CNOT3: variants seen among roughly 807,000 people sequenced by gnomAD.
CNOT3 encodes CCR4-NOT transcription complex subunit 3.
In CNOT3, 2 loss-of-function variants were observed where a neutral mutation model predicts 89.4. The ratio of observed to expected loss-of-function variants is 0.02; its 90% CI spans 0.01 to 0.07. CNOT3 has a LOEUF of 0.07. Ranked by LOEUF, CNOT3 falls within the 10% of genes least tolerant of loss-of-function variation. CNOT3 has a pLI of 1.00. For missense variants in CNOT3, 664 were observed against 1,010.2 expected, an observed-to-expected ratio of 0.66 and a Z score of 4.65; for synonymous variants, 486 against 402.0, an observed-to-expected ratio of 1.21 and a Z score of -2.50.
intron 17 of CNOT3, 54 bp from the exon 18 acceptor site, chr19:54,155,255 C>T (rs1309468752): frequency 6.2e-7 from 1 of 1,602,554 alleles, no homozygotes; most frequent in East Asian, 2.3e-5. Flanking sequence ...TGGTCCGGCC[C>T]AGATCCCAGA....
At chr19:54,142,649 A>T (rs2074499531) in intron 1 of CNOT3, 1 of 538,572 alleles carries the variant, frequency 1.9e-6, no homozygotes. Context: ...GGGAGAAGGT[A>T]CTCCATGCTC....
rs1001733868 is a variant in CNOT3, at chr19:54,153,646, C to T, written c.2038-69C>T. The T allele has an allele frequency of 3.8e-5, 45 of 1,192,664 alleles. No homozygotes were observed. In the Middle Eastern group the frequency reaches 5.8e-4, roughly 15 times the overall value. The allele number at this position is 1,192,664 out of a possible 1,614,324, so 73.9% of individuals were successfully genotyped here. A position where few individuals can be genotyped will look rare whatever the true frequency, so the allele number is the denominator to read the frequency against. On this transcript the variant is annotated intron_variant, in intron 16 of 17. Transcript: ENST00000221232. ...GCCGGGGTTCAGCCCTGATGTCCTGCCCCATTCCCCTGGCTCCCCACCCAG... is the reference window on the plus strand; with the variant it reads ...GCCGGGGTTCAGCCCTGATGTCCTGTCCCATTCCCCTGGCTCCCCACCCAG...
chr19:54,146,418 A>G (rs930775481), intron 9 of CNOT3, among the ~76,000 whole-genome samples, 183 bp from the exon 10 acceptor site: 5 of 152,156 alleles, frequency 3.3e-5, no homozygotes, highest in Admixed American at 2.0e-4. Flanking sequence ...CCAGAAAACA[A>G]GAAGACTGGA....
Position 54,152,618 on chromosome 19 carries a change from G to T in CNOT3, c.1896G>T (p.Glu632Asp). ...WHHMPHPSDS[E>D]RIRQYLPRNP... ...ACATGCCTCACCCCTCTGACTCTGA[G>T]CGTATTCGGTGAGGGGCCACAGGGA... Residue 632 changes from glutamate to aspartate, a missense_variant, in exon 15 of 18, where the codon GAG (glutamate) becomes GAT (aspartate). Transcript: ENST00000221232. 1.2e-6 allele frequency: 2 copies of T among 1,612,220 alleles called. No individual in the cohort carries two copies. Among genetic ancestry groups the T allele is most frequent in the Non-Finnish European group, 1.7e-6 (2 of 1,179,152 alleles).
intron 13 of CNOT3, among the ~76,000 whole-genome samples, chr19:54,150,084 C>T (rs931325687): frequency 6.6e-6 from 1 of 152,100 alleles, no homozygotes; most frequent in African/African-American, 2.4e-5. Context: ...TTTCTGTCCC[C>T]GTTTGTCCTC....
intron 13 of CNOT3, among the ~76,000 whole-genome samples, chr19:54,151,250 G>A (rs1035037671): frequency 6.6e-6 from 1 of 152,190 alleles, no homozygotes; most frequent in African/African-American, 2.4e-5. Flanking sequence ...CCATGGCAAG[G>A]TTTGGAGTAG....
Position 54,148,546 on chromosome 19 carries a change from A to C in CNOT3, c.1282+11A>C. Reference sequence around the variant, plus strand: ...AGAATGGCGCCACCAGTGAGTGAGGAGGCAGCGGGGTGGGGGGCGTGGGCG... The same window carrying C: ...AGAATGGCGCCACCAGTGAGTGAGGCGGCAGCGGGGTGGGGGGCGTGGGCG... On this transcript the variant is annotated intron_variant, in intron 11 of 17. Transcript: ENST00000221232. The surrounding 1 kb of genome is among the most constrained non-coding windows in gnomAD (Gnocchi z 6.3). 6.6e-7 allele frequency: 1 copy of C among 1,513,706 alleles called. No individual in the cohort carries two copies. The highest frequency in any genetic ancestry group is 2.3e-5 in the East Asian group (1 of 43,004). 93.8% of individuals were successfully genotyped at this position (1,513,706 alleles called of 1,614,324 possible).
In CNOT3 at chr19:54,153,733, C is replaced by T; in HGVS notation, c.2056C>T (p.Leu686=). ...YYLEGTKAQY[L]AAKALKKQSW... Reference sequence around the variant, plus strand: ...CCCCCAGGGCACTAAGGCACAGTATCTGGCAGCCAAGGCCCTAAAGAAGCA... The same window carrying T: ...CCCCCAGGGCACTAAGGCACAGTATTTGGCAGCCAAGGCCCTAAAGAAGCA... Residue 686 remains leucine, a synonymous_variant, in exon 17 of 18, where the codon CTG becomes TTG. Coordinates refer to ENST00000221232, the MANE Select transcript of CNOT3 (RefSeq NM_014516.4). 1 of 1,614,114 alleles carries T rather than the reference C, an allele frequency of 6.2e-7. No individual in the cohort carries two copies.
At position 54,144,358 on chromosome 19, in the gene CNOT3, T is replaced by A; in HGVS notation, c.483+26T>A. 1.3e-6 allele frequency: 2 copies of A among 1,564,074 alleles called. No individual in the cohort carries two copies. The highest frequency in any genetic ancestry group is 3.6e-4 in the Middle Eastern group (2 of 5,490). ...GTGAGTGAGGGAGACCCGACACCTT[T>A]GGGATGGGGATGGGCATGGGAATGG... On this transcript the variant is annotated intron_variant, in intron 7 of 17. Transcript: ENST00000221232. The surrounding 1 kb of genome is among the most constrained non-coding windows in gnomAD (Gnocchi z 4.8).
At chr19:54,147,207 C>A (rs1359458689) in intron 10 of CNOT3, among the ~76,000 whole-genome samples, 2 of 152,236 alleles carry the variant, frequency 1.3e-5, no homozygotes, top group Non-Finnish European at 2.9e-5. Context: ...ACTCCTTTGA[C>A]ATCTCCCAGG....
intron 16 of CNOT3, chr19:54,153,394 G>A (rs780177151): frequency 1.3e-5 from 10 of 767,784 alleles, no homozygotes; most frequent in Non-Finnish European, 2.4e-5. Flanking sequence ...CCCAACCCCA[G>A]TGAGTCATGA....
At chr19:54,155,272 C>T (rs1316415137) in intron 17 of CNOT3, 37 bp from the exon 18 acceptor site, 1 of 1,609,626 alleles carries the variant, frequency 6.2e-7, no homozygotes, top group Non-Finnish European at 8.5e-7. Context: ...CAGACCACCT[C>T]CTCGTCCACT....
At position 54,148,555 on chromosome 19, in the gene CNOT3, G is replaced by C; in HGVS notation, c.1282+20G>C. 6.3e-7 allele frequency: 1 copy of C among 1,575,442 alleles called. No homozygotes were observed. The highest frequency in any genetic ancestry group is 8.6e-7 in the Non-Finnish European group (1 of 1,157,126). On this transcript the variant is annotated intron_variant, in intron 11 of 17. Coordinates refer to ENST00000221232, the MANE Select transcript of CNOT3 (RefSeq NM_014516.4). This position sits in a 1 kb window ranked among gnomAD's most constrained non-coding sequence, Gnocchi z 6.3. Reference sequence around the variant, plus strand: ...CCACCAGTGAGTGAGGAGGCAGCGGGGTGGGGGGCGTGGGCGGGGCTGGGC... The same window carrying C: ...CCACCAGTGAGTGAGGAGGCAGCGGCGTGGGGGGCGTGGGCGGGGCTGGGC...
At position 54,143,837 on chromosome 19, in the gene CNOT3, C is replaced by G. The variant is rs918787239; in HGVS notation, c.258+88C>G. On this transcript the variant is annotated intron_variant, in intron 5 of 17. Transcript: ENST00000221232. ...GGGGCGGAGGCAGAGCGGCCAGACC[C>G]CAGAGGTCCTCAAGAGAAGTAAGGT... 2.7e-6 allele frequency: 4 copies of G among 1,487,976 alleles called. No homozygotes were observed. The Middle Eastern group carries it at 6.1e-4, about 228-fold the overall frequency. 92.2% of individuals were successfully genotyped at this position (1,487,976 alleles called of 1,614,324 possible).
rs898314637 is a variant in CNOT3 at position 54,144,965 on chromosome 19, C to T, written c.483+633C>T. Among the ~76,000 whole-genome samples the T allele has an allele frequency of 3.9e-5, 6 of 152,022 alleles. No individual in the cohort carries two copies. Among genetic ancestry groups the T allele is most frequent in the Non-Finnish European group, 8.8e-5 (6 of 67,988 alleles). ...AGATGACAGGGTTGGGTGTCAGACT[C>T]TGAGGGGTTTGGGAACCAGGGGCTT... is the stretch of plus-strand genomic sequence containing the variant. On this transcript the variant is annotated intron_variant, in intron 7 of 17. Coordinates refer to ENST00000221232, the MANE Select transcript of CNOT3 (RefSeq NM_014516.4). This position sits in a 1 kb window ranked among gnomAD's most constrained non-coding sequence, Gnocchi z 4.8.
At chr19:54,149,990 C>T (rs1424584516) in intron 13 of CNOT3, among the ~76,000 whole-genome samples, 1 of 152,144 alleles carries the variant, frequency 6.6e-6, no homozygotes, top group South Asian at 2.1e-4. Flanking sequence ...CTCTGTTTCT[C>T]TGGGTCTCTT....
intron 15 of CNOT3, 86 bp from the exon 16 acceptor site, chr19:54,152,781 C>A: frequency 1.2e-6 from 1 of 845,906 alleles, no homozygotes; most frequent in South Asian, 1.5e-5. Flanking sequence ...TACCACCTCC[C>A]CCCGCAGGGA....
rs1327579110 is a variant in CNOT3, at chr19:54,146,588, TC to T, written c.838-9del. 2.9e-6 allele frequency: 4 copies of T among 1,377,422 alleles called. No homozygotes were observed. The highest frequency in any genetic ancestry group is 2.9e-5 in the African/African-American group (2 of 70,058). 85.3% of individuals were successfully genotyped at this position (1,377,422 alleles called of 1,614,324 possible). ...AGGTCACACAGGTTTCTATTCTGCC[TC>T]CCCTACCTCAGGAAAACTCTGAAGA... On this transcript the variant is annotated splice_polypyrimidine_tract_variant and intron_variant, in intron 9 of 17. Transcript: ENST00000221232.
At chr19:54,149,132 C>T (rs2074895739) in intron 12 of CNOT3, among the ~76,000 whole-genome samples, 1 of 152,236 alleles carries the variant, frequency 6.6e-6, no homozygotes, top group Non-Finnish European at 1.5e-5. Context: ...CAAATCTTAG[C>T]TCAGACCATT....
Sources: gnomAD v4.1 joint callset for allele counts (sites outside exome capture counted in the v4.1 genomes callset) on GRCh38, gnomAD v4.1.1 for gene constraint, Gnocchi (gnomAD v3.1) non-coding constraint, MANE v1.5 for transcripts, NCBI Gene and HGNC (gene_info 2026-07-23, HGNC 2026-07-21) for gene names.